Variants in FRYL observed in about 807,000 individuals in gnomAD.
FRYL encodes the protein FRY like transcription coactivator.
FRYL carries 150 observed loss-of-function variants against 351.2 expected under a neutral mutation model. The ratio of observed to expected loss-of-function variants is 0.43; its 90% CI spans 0.37 to 0.49. FRYL has a LOEUF of 0.49. FRYL is among the 20% of genes least tolerant of loss of function. The pLI, the probability that FRYL is intolerant of heterozygous loss-of-function variation, is 0.00. For synonymous variants in FRYL, 1,153 were observed against 1,257.1 expected (o/e 0.92, Z 1.75); for missense variants, 3,036 against 3,619.3 (o/e 0.84, Z 4.13).
At chr4:48,625,276 C>T (rs1751546769) in intron 4 of FRYL, among the ~76,000 whole-genome samples, 2 of 152,042 alleles carry the variant, frequency 1.3e-5, no homozygotes, top group Non-Finnish European at 2.9e-5. Flanking sequence ...ATAATATGTC[C>T]CAGGGAAAAA....
rs369698565 is a variant in FRYL, at chr4:48,512,634, C to T, written c.7992G>A (p.Pro2664=). Residue 2664 remains proline, a synonymous_variant, in exon 57 of 64, where the codon CCG becomes CCA. Coordinates refer to ENST00000358350, the MANE Select transcript of FRYL (RefSeq NM_015030.2). ...GFPEVQTSPL[P]SPFLSAIIAA... ...CTATGATGGCAGAAAGAAATGGTGA[C>T]GGCAGAGGCGACGTCTGTACTTCTG... 203 of 1,613,838 alleles carry T rather than the reference C, an allele frequency of 1.3e-4. 2 individuals are homozygous for T. Among genetic ancestry groups the T allele is most frequent in the Non-Finnish European group, 1.1e-4 (132 of 1,179,942 alleles).
chr4:48,690,541 C>T (rs1239845607), intron 2 of FRYL, among the ~76,000 whole-genome samples: 1 of 152,074 alleles, frequency 6.6e-6, no homozygotes, highest in Admixed American at 6.5e-5. Flanking sequence ...GAAGATGATA[C>T]GCCCACGAGA....
In FRYL at chr4:48,634,495, A is replaced by T. The variant is rs776472022; in HGVS notation, c.-80-5T>A. 1 of 1,605,218 alleles carries T rather than the reference A, an allele frequency of 6.2e-7. No individual in the cohort carries two copies. The highest frequency in any genetic ancestry group is 8.5e-7 in the Non-Finnish European group (1 of 1,175,052). ...CTTTGCTGACTGGCGCTGAAGCTAA[A>T]AGTAAAAGAAACAAAAGAACTCTAC... On this transcript the variant is annotated splice_polypyrimidine_tract_variant and splice_region_variant and intron_variant, in intron 3 of 63. Coordinates refer to ENST00000358350, the MANE Select transcript of FRYL (RefSeq NM_015030.2).
At chr4:48,745,424 TA>T (rs1416219508) in intron 1 of FRYL, among the ~76,000 whole-genome samples, 1 of 152,064 alleles carries the variant, frequency 6.6e-6, no homozygotes, top group African/African-American at 2.4e-5. Context: ...TATGCAGCCA[TA>T]AAAAAGGATG....
chr4:48,635,744 T>C (rs1754090279), intron 3 of FRYL, among the ~76,000 whole-genome samples: 1 of 152,194 alleles, frequency 6.6e-6, no homozygotes, highest in Non-Finnish European at 1.5e-5. Context: ...TTGCCTTTTT[T>C]GGCTTAGAAT....
intron 28 of FRYL, among the ~76,000 whole-genome samples, chr4:48,566,921 T>A (rs1008233952): frequency 6.6e-6 from 1 of 152,180 alleles, no homozygotes; most frequent in African/African-American, 2.4e-5. Flanking sequence ...TCTTCTTAAT[T>A]TTATTCTCAA....
rs1026431632 is a variant in FRYL, at chr4:48,567,051, C to T, written c.3169+197G>A. 1.3e-5 allele frequency among the ~76,000 whole-genome samples: 2 copies of T among 152,134 alleles called. No individual in the cohort carries two copies. Among genetic ancestry groups the T allele is most frequent in the African/African-American group, 4.8e-5 (2 of 41,432 alleles). Reference sequence around the variant, plus strand: ...TCCTGATTATTACTGAAATTCTATGCTGGGTTGCTTTTTTATTTCTAATCA... The same window carrying T: ...TCCTGATTATTACTGAAATTCTATGTTGGGTTGCTTTTTTATTTCTAATCA... On this transcript the variant is annotated intron_variant, in intron 28 of 63. Coordinates refer to ENST00000358350, the MANE Select transcript of FRYL (RefSeq NM_015030.2). This position sits in a 1 kb window ranked among gnomAD's most constrained non-coding sequence, Gnocchi z 4.2.
chr4:48,545,049 G>A (rs1181393032), intron 42 of FRYL, 145 bp from the exon 43 acceptor site: 1 of 715,146 alleles, frequency 1.4e-6, no homozygotes, highest in East Asian at 2.9e-5. Flanking sequence ...TTAGGCACAT[G>A]AATATGTAAT....
intron 2 of FRYL, among the ~76,000 whole-genome samples, chr4:48,708,064 C>T (rs1183713593): frequency 1.3e-5 from 2 of 152,002 alleles, no homozygotes; most frequent in Non-Finnish European, 2.9e-5. Flanking sequence ...TCGTGATCAG[C>T]CTGCCTCGGC....
intron 3 of FRYL, among the ~76,000 whole-genome samples, chr4:48,645,152 A>ATC (rs1316672025): frequency 1.5e-4 from 17 of 114,826 alleles, no homozygotes; most frequent in African/African-American, 3.5e-4. Context: ...ATATATATAT[A>ATC]TATCAGACTG....
chr4:48,690,130 C>G (rs1390764824), intron 2 of FRYL, among the ~76,000 whole-genome samples: 1 of 151,180 alleles, frequency 6.6e-6, no homozygotes, highest in African/African-American at 2.4e-5. Context: ...TGATCTCGAT[C>G]TCCTGACCTC....
At chr4:48,671,070 T>G (rs1358325682) in intron 3 of FRYL, among the ~76,000 whole-genome samples, 1 of 152,156 alleles carries the variant, frequency 6.6e-6, no homozygotes, top group Non-Finnish European at 1.5e-5. Flanking sequence ...CCATCAATAG[T>G]GTACAAGGGT....
At chr4:48,653,899 T>C in intron 3 of FRYL, 1 of 1,257,118 alleles carries the variant, frequency 8.0e-7, no homozygotes, top group Non-Finnish European at 1.0e-6. Flanking sequence ...CCTTCTCTTC[T>C]CACAGGCAGC....
intron 3 of FRYL, among the ~76,000 whole-genome samples, chr4:48,670,622 G>A (rs1466376055): frequency 6.6e-6 from 1 of 151,776 alleles, no homozygotes; most frequent in African/African-American, 2.4e-5. Flanking sequence ...CCCAGCCTCT[G>A]GTAACCATCC....
rs765279364 is a variant in FRYL, at chr4:48,582,588, G to A, written c.1895C>T (p.Thr632Ile). Residue 632 changes from threonine to isoleucine, a missense_variant, in exon 20 of 64, where the codon ACA (threonine) becomes ATA (isoleucine). Thr to Ile is a moderately conservative substitution (Grantham distance 89). Transcript: ENST00000358350. Reference protein sequence around the residue: ...IVREVTDVHPTLLDNAVKMLV... With the variant: ...IVREVTDVHPILLDNAVKMLV... Reference sequence around the variant, plus strand: ...CATCTTTACGGCATTATCAAGAAGTGTGGGATGGACATCAGTCACTTCACG... The same window carrying A: ...CATCTTTACGGCATTATCAAGAAGTATGGGATGGACATCAGTCACTTCACG... The A allele has an allele frequency of 1.2e-6, 2 of 1,613,958 alleles. No homozygotes were observed. The highest frequency in any genetic ancestry group is 1.7e-6 in the Non-Finnish European group (2 of 1,179,878).
At chr4:48,611,467 T>C (rs778298685) in intron 7 of FRYL, among the ~76,000 whole-genome samples, 5 of 152,126 alleles carry the variant, frequency 3.3e-5, no homozygotes, top group Non-Finnish European at 7.4e-5. Context: ...GGGTCTATTT[T>C]TGAGCTCTCC....
chr4:48,724,619 C>G (rs1769877327), intron 1 of FRYL, among the ~76,000 whole-genome samples: 1 of 151,998 alleles, frequency 6.6e-6, no homozygotes, highest in South Asian at 2.1e-4. Flanking sequence ...CCAACATCAT[C>G]TCCTGGGTCA....
At chr4:48,625,553 C>G (rs1356412700) in intron 4 of FRYL, among the ~76,000 whole-genome samples, 1 of 152,128 alleles carries the variant, frequency 6.6e-6, no homozygotes, top group Non-Finnish European at 1.5e-5. Flanking sequence ...AGTATAGCAA[C>G]TATTTCTATA....
At chr4:48,691,406 T>C (rs2149559158) in intron 2 of FRYL, among the ~76,000 whole-genome samples, 1 of 152,272 alleles carries the variant, frequency 6.6e-6, no homozygotes, top group Admixed American at 6.5e-5. Context: ...TTTAAAAATA[T>C]ATTGACTACT....
Sources: allele counts gnomAD v4.1 joint callset (sites outside exome capture counted in the v4.1 genomes callset), GRCh38; gene constraint gnomAD v4.1.1; non-coding constraint Gnocchi (gnomAD v3.1); transcripts MANE v1.5; gene names NCBI Gene and HGNC (gene_info 2026-07-23, HGNC 2026-07-21).